The following ZDHHC24 variants were observed in gnomAD, a reference collection of about 807,000 sequenced individuals.
The protein encoded by ZDHHC24 is zDHHC palmitoyltransferase 24, also known as probable palmitoyltransferase ZDHHC24.
ZDHHC24 carries 17 observed loss-of-function variants against 23.2 expected under a neutral mutation model. The observed-to-expected ratio is 0.73, with a 90% CI of 0.50 to 1.10. The LOEUF (loss-of-function observed/expected upper bound fraction) is 1.10, where lower values mean the gene tolerates loss of function less well. Ranked by LOEUF, ZDHHC24 falls within the 50% of genes least tolerant of loss-of-function variation. The pLI is 0.00. For synonymous variants in ZDHHC24, 186 were observed against 194.5 expected (o/e 0.96, Z 0.36); for missense variants, 366 against 393.0 (o/e 0.93, Z 0.58).
In ZDHHC24 at chr11:66,539,755, C is replaced by G. The variant is rs201397847; in HGVS notation, c.629G>C (p.Cys210Ser). 1 of 1,612,906 alleles carries G rather than the reference C, an allele frequency of 6.2e-7. No individual in the cohort carries two copies. Among genetic ancestry groups the G allele is most frequent in the Non-Finnish European group, 8.5e-7 (1 of 1,179,666 alleles). Residue 210 changes from cysteine (C) to serine (S), a missense_variant, in exon 3 of 3, where the codon TGC (cysteine) becomes TCC (serine). Transcript: ENST00000310442. ...TDTCVAGALL[C>S]GAGLLFHGML... ...CCCATGGAAGAGCAGCCCAGCCCCG[C>G]ACAGCAGCGCACCCGCCACGCACGT...
chr11:66,527,146 G>C, intron 3 of ZDHHC24: 1 of 813,600 alleles, frequency 1.2e-6, no homozygotes, highest in Non-Finnish European at 2.0e-6. Context: ...GCAGAGGTGG[G>C]AGGACAGCAT....
rs549328293 is a variant in ZDHHC24 at position 66,525,216 on chromosome 11, C to T, written c.*21+1720G>A. 4.1e-4 allele frequency among the ~76,000 whole-genome samples: 53 copies of T among 128,422 alleles called. No individual in the cohort carries two copies. In the East Asian group the frequency reaches 0.013, roughly 31 times the overall value. The allele number at this position is 128,422 out of a possible 152,430, so 84.2% of individuals were successfully genotyped here. Reference sequence around the variant, plus strand: ...CTCCATCTCAAAAAAAAAAAAAAAGCCGGGTGTGATGGCACACCTGTAATC... The same window carrying T: ...CTCCATCTCAAAAAAAAAAAAAAAGTCGGGTGTGATGGCACACCTGTAATC... On this transcript the variant is annotated intron_variant, in intron 4 of 4. Coordinates refer to the ZDHHC24 transcript ENST00000526986.
At position 66,545,973 on chromosome 11, in the gene ZDHHC24, C is replaced by T; in HGVS notation, c.31G>A (p.Asp11Asn). 7.0e-7 allele frequency: 1 copy of T among 1,422,234 alleles called. No individual in the cohort carries two copies. The highest frequency in any genetic ancestry group is 9.1e-7 in the Non-Finnish European group (1 of 1,102,494). 88.1% of individuals were successfully genotyped at this position (1,422,234 alleles called of 1,614,324 possible). Residue 11 changes from aspartate (D) to asparagine (N), a missense_variant, in exon 1 of 3, where the codon GAC becomes AAC. Transcript: ENST00000310442. This position sits in a 1 kb window ranked among gnomAD's most constrained non-coding sequence, Gnocchi z 4.5. Reference sequence around the variant, plus strand: ...AGAGGCAGCTGCGCGGGCGCCCCGTCCGTGCTCCCAGCCGCCCAGGGCTGC... The same window carrying T: ...AGAGGCAGCTGCGCGGGCGCCCCGTTCGTGCTCCCAGCCGCCCAGGGCTGC... The part of the protein sequence containing the change: MGQPWAAGST[D>N]GAPAQLPLVL...
exon 4 of ZDHHC24, chr11:66,526,966 A>G (rs747558057): frequency 9.6e-6 from 15 of 1,556,312 alleles, no homozygotes; most frequent in Admixed American, 1.9e-5. Flanking sequence ...CCTAGGAGGT[A>G]CACGTTGCCT....
intron 4 of ZDHHC24, chr11:66,523,191 T>C (rs1357056198): frequency 3.4e-6 from 2 of 593,912 alleles, no homozygotes; most frequent in African/African-American, 1.8e-5. Context: ...CAAGCCACCA[T>C]AGTGAAGGTG....
chr11:66,540,338 A>G (rs1175343752), intron 2 of ZDHHC24, among the ~76,000 whole-genome samples: 1 of 150,206 alleles, frequency 6.7e-6, no homozygotes, highest in Non-Finnish European at 1.5e-5. Context: ...CAGGCAGGAG[A>G]ATCGCTTTAA....
Position 66,539,703 on chromosome 11 carries a change from T to C in ZDHHC24, c.681A>G (p.Thr227=), listed in dbSNP as rs141112014. ...AGTGCTGGCCCCGAGCCCACTCCCA[T>C]GTGGTCTGGCCCCGCAGCAGCAGCA... ...HGMLLLRGQT[T]WEWARGQHSY... The change falls in exon 3 of 3, where the codon ACA becomes ACG. Residue 227 remains threonine (T), a synonymous_variant. Transcript: ENST00000310442. The C allele has an allele frequency of 8.1e-4, 1,302 of 1,612,398 alleles. 4 individuals are homozygous for C. The highest frequency in any genetic ancestry group is 9.8e-4 in the Non-Finnish European group (1,155 of 1,179,782).
At chr11:66,521,075 CA>C (rs1158956667), downstream of ZDHHC24, 7 of 630,462 alleles carry the variant, frequency 1.1e-5, no homozygotes, top group Middle Eastern at 4.2e-4. Flanking sequence ...ATCGTTTAGT[CA>C]AAAGGCACAG....
rs139126639 is a variant in ZDHHC24, at chr11:66,524,900, A to C, written c.*21+2036T>G. Among the ~76,000 whole-genome samples the C allele has an allele frequency of 7.6e-3, 1,157 of 152,038 alleles. 18 individuals carry two copies. The highest frequency in any genetic ancestry group is 0.026 in the African/African-American group (1,088 of 41,476). ...TGAAACCCCATCTCTACTAAAAATA[A>C]ACAAATTAGCCGGGTATGGGCCGGG... On this transcript the variant is annotated intron_variant, in intron 4 of 4. Transcript: ENST00000526986.
At chr11:66,531,079 G>C, downstream of ZDHHC24, 1 of 1,610,340 alleles carries the variant, frequency 6.2e-7, no homozygotes, top group Middle Eastern at 1.7e-4. Flanking sequence ...CAGGGCAGGG[G>C]CCTGATGAGA....
chr11:66,525,034 AC>A (rs1432964811), intron 4 of ZDHHC24, among the ~76,000 whole-genome samples: 1 of 152,124 alleles, frequency 6.6e-6, no homozygotes, highest in Non-Finnish European at 1.5e-5. Flanking sequence ...CCCCGTCTCT[AC>A]TAAAAATACA....
chr11:66,521,553 G>GA (rs1856217503), intron 4 of ZDHHC24: 7 of 661,770 alleles, frequency 1.1e-5, no homozygotes, highest in Non-Finnish European at 1.9e-5. Flanking sequence ...AGGCTTGTGA[G>GA]ATAGGGGCTG....
intron 1 of ZDHHC24, 45 bp from the exon 2 acceptor site, chr11:66,544,026 G>A: frequency 6.3e-7 from 1 of 1,599,592 alleles, no homozygotes; most frequent in Non-Finnish European, 8.5e-7. Context: ...CAGCTCAGAT[G>A]CCCCATATTG....
intron 3 of ZDHHC24, chr11:66,529,061 A>G (rs941142691): frequency 2.0e-6 from 2 of 984,578 alleles, no homozygotes; most frequent in African/African-American, 1.7e-5. Flanking sequence ...ATAAATTGTA[A>G]AAGTACTAGA....
downstream of ZDHHC24, among the ~76,000 whole-genome samples, chr11:66,531,358 TC>T (rs1296623545): frequency 6.6e-6 from 1 of 152,024 alleles, no homozygotes; most frequent in Non-Finnish European, 1.5e-5. Flanking sequence ...GGCCTGGTTT[TC>T]CCCCAGGGCC....
At chr11:66,540,545 T>C (rs1295810214) in intron 2 of ZDHHC24, among the ~76,000 whole-genome samples, 2 of 149,030 alleles carry the variant, frequency 1.3e-5, no homozygotes, top group Non-Finnish European at 1.5e-5. Flanking sequence ...CTGACCAACA[T>C]GGTGAAACTC....
intron 2 of ZDHHC24, chr11:66,530,063 C>T (rs780428127): frequency 6.9e-7 from 1 of 1,452,962 alleles, no homozygotes; most frequent in Non-Finnish European, 9.3e-7. Context: ...GCCAACTCAG[C>T]CCGTGCTCCC....
Position 66,546,032 on chromosome 11 carries a change from A to G in ZDHHC24, c.-29T>C. ...CTGGACACCCAGCTGTCGGAGCCGG[A>G]GGACTAGGCCGCTTCCGTATTGGGG... On this transcript the variant is annotated 5_prime_UTR_variant, in exon 1 of 3. Transcript: ENST00000310442. 1 of 1,371,248 alleles carries G rather than the reference A, an allele frequency of 7.3e-7. No individual in the cohort carries two copies. Among genetic ancestry groups the G allele is most frequent in the Non-Finnish European group, 9.3e-7 (1 of 1,070,620 alleles). The allele number at this position is 1,371,248 out of a possible 1,614,324, so 84.9% of individuals were successfully genotyped here.
chr11:66,521,355 G>A, exon 5 of ZDHHC24: 2 of 1,614,178 alleles, frequency 1.2e-6, no homozygotes, highest in Non-Finnish European at 1.7e-6. Flanking sequence ...TGCCGCAATG[G>A]AAACATCTAT....
Sources: gnomAD v4.1 joint callset for allele counts (sites outside exome capture counted in the v4.1 genomes callset) on GRCh38, gnomAD v4.1.1 for gene constraint, Gnocchi (gnomAD v3.1) non-coding constraint, MANE v1.5 for transcripts, NCBI Gene and HGNC (gene_info 2026-07-23, HGNC 2026-07-21) for gene names.